Variants in GUCY2F observed in about 807,000 individuals in gnomAD.
GUCY2F encodes the protein retinal guanylyl cyclase 2.
GUCY2F carries 61 observed loss-of-function variants against 73.1 expected under a neutral mutation model. That is an observed-to-expected ratio of 0.83 (90% CI 0.68 to 1.03). The LOEUF is 1.03. Ranked by LOEUF, GUCY2F falls within the 50% of genes least tolerant of loss-of-function variation. GUCY2F has a pLI of 0.00. For missense variants in GUCY2F, 912 were observed against 854.3 expected, an observed-to-expected ratio of 1.07 and a Z score of -0.84; for synonymous variants, 331 against 307.8, an observed-to-expected ratio of 1.08 and a Z score of -0.79.
chrX:109,406,988 G>A (rs1930989061), intron 9 of GUCY2F, among the ~76,000 whole-genome samples: 1 of 112,066 alleles, frequency 8.9e-6, no homozygotes, highest in Non-Finnish European at 1.9e-5. Context: ...CTACGAGTGG[G>A]GCATTGCTGA....
intron 8 of GUCY2F, among the ~76,000 whole-genome samples, chrX:109,420,472 T>C (rs1311951405): frequency 9.2e-6 from 1 of 109,082 alleles, no homozygotes; most frequent in East Asian, 2.8e-4. Context: ...AAATGATAAA[T>C]TGGACAATTG....
At chrX:109,438,469 C>T (rs987257865) in intron 7 of GUCY2F, among the ~76,000 whole-genome samples, 2 of 112,947 alleles carry the variant, frequency 1.8e-5, no homozygotes, top group East Asian at 2.8e-4. Flanking sequence ...TTGGGATATG[C>T]ACAAGATAAA....
At chrX:109,421,981 A>C (rs1210560201) in intron 8 of GUCY2F, among the ~76,000 whole-genome samples, 1 of 111,994 alleles carries the variant, frequency 8.9e-6, no homozygotes, top group African/African-American at 3.2e-5. Context: ...GACAGGCACA[A>C]GACACTGTAT....
At chrX:109,379,794 G>A (rs923282595) in intron 17 of GUCY2F, among the ~76,000 whole-genome samples, 2 of 112,431 alleles carry the variant, frequency 1.8e-5, no homozygotes, top group African/African-American at 6.5e-5. Context: ...AGTAGAACTG[G>A]CCAGTTAGGC....
chrX:109,429,149 C>A (rs926412934), intron 8 of GUCY2F, among the ~76,000 whole-genome samples: 1 of 112,301 alleles, frequency 8.9e-6, no homozygotes, highest in African/African-American at 3.2e-5. Context: ...CGGTGGCTCA[C>A]GCCTGTAATC....
At chrX:109,451,885 T>C (rs939746215) in intron 5 of GUCY2F, 138 bp downstream of exon 5, 2 of 457,151 alleles carry the variant, frequency 4.4e-6, no homozygotes, top group African/African-American at 2.5e-5. Context: ...GTAGGAATGG[T>C]AAACCACTGT....
intron 15 of GUCY2F, among the ~76,000 whole-genome samples, chrX:109,386,602 A>G: frequency 8.9e-6 from 1 of 112,050 alleles, no homozygotes; most frequent in South Asian, 3.7e-4. Context: ...AGATCAGTGT[A>G]TAAAATGCAT....
At chrX:109,458,236 T>G (rs1388971325) in intron 3 of GUCY2F, among the ~76,000 whole-genome samples, 1 of 111,984 alleles carries the variant, frequency 8.9e-6, no homozygotes. Context: ...ATTAGCACAG[T>G]GGAATAAAAC....
chrX:109,441,347 T>C lies in GUCY2F; in HGVS notation c.1701+4A>G, dbSNP rs751374760. Reference sequence around the variant, plus strand: ...GTAGATTAGACAGCTGTTGAATATCTTACCTCATAAATCGCTATGTTGGAG... The same window carrying C: ...GTAGATTAGACAGCTGTTGAATATCCTACCTCATAAATCGCTATGTTGGAG... On this transcript the variant is annotated splice_donor_region_variant and intron_variant, in intron 7 of 19. Coordinates refer to ENST00000218006, the MANE Select transcript of GUCY2F (RefSeq NM_001522.3). 3.6e-6 allele frequency: 4 copies of C among 1,119,948 alleles called. No homozygotes were observed. Among genetic ancestry groups the C allele is most frequent in the Non-Finnish European group, 4.8e-6 (4 of 834,721 alleles). The allele number at this position is 1,119,948 out of a possible 1,213,427, so 92.3% of individuals were successfully genotyped here. A position where few individuals can be genotyped will look rare whatever the true frequency, so the allele number is the denominator to read the frequency against.
intron 17 of GUCY2F, among the ~76,000 whole-genome samples, chrX:109,377,648 C>T (rs1368031501): frequency 8.9e-6 from 1 of 111,775 alleles, no homozygotes; most frequent in Admixed American, 9.5e-5. Flanking sequence ...ACTCAAGACA[C>T]CACTGGATCT....
intron 7 of GUCY2F, among the ~76,000 whole-genome samples, chrX:109,435,715 A>AAGG (rs1931727364): frequency 9.0e-6 from 1 of 111,424 alleles, no homozygotes; most frequent in African/African-American, 3.3e-5. Flanking sequence ...CAGTTTTCAA[A>AAGG]GCCAATGCTT....
chrX:109,436,285 A>T (rs1449804947), intron 7 of GUCY2F, among the ~76,000 whole-genome samples: 4 of 111,436 alleles, frequency 3.6e-5, no homozygotes, highest in Non-Finnish European at 7.5e-5. Context: ...TCAGGAAACA[A>T]CAGGTGCTGG....
At chrX:109,398,416 C>T in intron 11 of GUCY2F, 133 bp downstream of exon 11, 1 of 590,831 alleles carries the variant, frequency 1.7e-6, no homozygotes, top group South Asian at 3.3e-5. Context: ...CCCACCTGTA[C>T]ATAACTTGAG....
intron 9 of GUCY2F, among the ~76,000 whole-genome samples, chrX:109,406,282 G>A (rs1156409310): frequency 2.7e-5 from 3 of 111,604 alleles, no homozygotes; most frequent in Non-Finnish European, 5.7e-5. Context: ...GTGGCACTGA[G>A]TTCCACATAC....
At position 109,465,377 on chromosome X, in the gene GUCY2F, G is replaced by A. The variant is rs1367164071; in HGVS notation, c.797C>T (p.Ala266Val). ...TCCATCAGTCATTTTCAGATCATGA[G>A]CACATTCCAAGAGATGCATCTGAGT... is the stretch of plus-strand genomic sequence containing the variant. ...GETQMHLLEC[A>V]HDLKMTDGTY... Residue 266 changes from alanine (A) to valine (V), a missense_variant, in exon 3 of 20, where the codon GCT becomes GTT. Ala to Val is a moderately conservative substitution (Grantham distance 64). Coordinates refer to ENST00000218006, the MANE Select transcript of GUCY2F (RefSeq NM_001522.3). The A allele has an allele frequency of 1.7e-6, 2 of 1,199,453 alleles. No homozygotes were observed. The highest frequency in any genetic ancestry group is 2.2e-5 in the Admixed American group (1 of 45,701).
chrX:109,386,856 T>A (rs1246623114), intron 15 of GUCY2F, among the ~76,000 whole-genome samples: 2 of 111,659 alleles, frequency 1.8e-5, no homozygotes, highest in East Asian at 5.6e-4. Context: ...ATATGTTAAA[T>A]TTGAAATAAT....
At chrX:109,391,242 ACT>A (rs1005791775) in intron 14 of GUCY2F, among the ~76,000 whole-genome samples, 1 of 111,773 alleles carries the variant, frequency 8.9e-6, no homozygotes, top group African/African-American at 3.3e-5. Flanking sequence ...CATTTTGCAA[ACT>A]CTAATAGAAA....
At chrX:109,445,344 C>T (rs757207025) in intron 6 of GUCY2F, among the ~76,000 whole-genome samples, 2 of 111,904 alleles carry the variant, frequency 1.8e-5, no homozygotes, top group Non-Finnish European at 3.8e-5. Flanking sequence ...TATTGTTGCC[C>T]TTGAAGAAAT....
intron 9 of GUCY2F, among the ~76,000 whole-genome samples, chrX:109,407,886 C>T (rs1406950620): frequency 1.8e-5 from 2 of 113,120 alleles, no homozygotes; most frequent in Non-Finnish European, 3.7e-5. Context: ...CAAAAGTTTG[C>T]TGCAGGAGCA....
Sources: allele counts gnomAD v4.1 joint callset (sites outside exome capture counted in the v4.1 genomes callset), GRCh38; gene constraint gnomAD v4.1.1; transcripts MANE v1.5; gene names NCBI Gene and HGNC (gene_info 2026-07-23, HGNC 2026-07-21).